Variants in MASP1 observed in about 807,000 individuals in gnomAD.
The protein encoded by MASP1 is MBL associated serine protease 1.
MASP1 carries 59 observed loss-of-function variants against 77.1 expected under a neutral mutation model. The ratio of observed to expected loss-of-function variants is 0.77; its 90% confidence interval spans 0.62 to 0.95. The LOEUF is 0.95. Among genes scored for constraint, MASP1 ranks in the 40% least tolerant of loss-of-function variants. The probability of loss-of-function intolerance (pLI) is 0.00; values close to 1 mark genes in which losing one functional copy is unlikely to be tolerated. For synonymous variants in MASP1, 362 were observed against 354.5 expected (o/e 1.02, Z -0.24); for missense variants, 885 against 912.9 (o/e 0.97, Z 0.39).
downstream of MASP1, among the ~76,000 whole-genome samples, chr3:187,231,827 A>G (rs1379013044): frequency 6.6e-6 from 1 of 152,262 alleles, no homozygotes; most frequent in African/African-American, 2.4e-5. Context: ...GTAGGTTTCA[A>G]GGAACCAAAA....
At chr3:187,233,087 G>A (rs1712868500), downstream of MASP1, among the ~76,000 whole-genome samples, 1 of 152,090 alleles carries the variant, frequency 6.6e-6, no homozygotes, top group South Asian at 2.1e-4. Flanking sequence ...ATGGGTGGTG[G>A]GTCTGCACCA....
At chr3:187,260,154 C>A (rs710466) in intron 4 of MASP1, among the ~76,000 whole-genome samples, 149,158 of 152,304 alleles carry the variant, frequency 0.98, 73,100 homozygotes, top group Middle Eastern at 1. Context: ...CCAAGAGCTC[C>A]TCCTAGAAAG....
exon 16 of MASP1, chr3:187,220,169 A>C: frequency 6.2e-7 from 1 of 1,614,192 alleles, no homozygotes; most frequent in Non-Finnish European, 8.5e-7. Flanking sequence ...TCATCACCCC[A>C]GGACACAGTG....
chr3:187,243,311 C>T, intron 9 of MASP1, 173 bp downstream of exon 9: 1 of 720,172 alleles, frequency 1.4e-6, no homozygotes, highest in Non-Finnish European at 2.5e-6. Flanking sequence ...GACACAGTAA[C>T]ACAAGCTCAT....
In MASP1 at chr3:187,219,604, A is replaced by G. The variant is rs914825756; in HGVS notation, c.*467T>C. The G allele has an allele frequency of 5.1e-4, 114 of 222,536 alleles. 1 individual carries two copies. The highest frequency in any genetic ancestry group is 1.5e-3 in the African/African-American group (68 of 44,488). The allele number at this position is 222,536 out of a possible 1,614,324, so 13.8% of individuals were successfully genotyped here. On this transcript the variant is annotated 3_prime_UTR_variant, in exon 16 of 16. Transcript: ENST00000337774. ...GAGGGGAGAGGTGTGTCACTGATCA[A>G]TGCTAAGACCCAGGCAGGGGTTTGT... is the stretch of plus-strand genomic sequence containing the variant.
At position 187,235,446 on chromosome 3, in the gene MASP1, T is replaced by G; in HGVS notation, c.*238A>C. 3 of 1,509,372 alleles carry G rather than the reference T, an allele frequency of 2.0e-6. No individual in the cohort carries two copies. Among genetic ancestry groups the G allele is most frequent in the Non-Finnish European group, 2.7e-6 (3 of 1,131,296 alleles). The allele number at this position is 1,509,372 out of a possible 1,614,324, so 93.5% of individuals were successfully genotyped here. On this transcript the variant is annotated 3_prime_UTR_variant, in exon 11 of 11. Coordinates refer to ENST00000296280, the MANE Select transcript of MASP1 (RefSeq NM_139125.4). ...TCCTGCATTGTATTACTCGGTAGAG[T>G]GAGGCCCAGACAGGGAAAGAGACTT...
intron 10 of MASP1, among the ~76,000 whole-genome samples, chr3:187,240,961 T>G (rs1052757329): frequency 6.6e-6 from 1 of 152,194 alleles, no homozygotes; most frequent in Non-Finnish European, 1.5e-5. Context: ...AAAGCAAATA[T>G]CCTCAAAATC....
chr3:187,226,730 C>A (rs1336320734), intron 11 of MASP1, among the ~76,000 whole-genome samples: 2 of 152,276 alleles, frequency 1.3e-5, no homozygotes, highest in Non-Finnish European at 2.9e-5. Flanking sequence ...TTTTTACCTG[C>A]CTATTCCAAC....
chr3:187,262,811 C>T, intron 2 of MASP1, 91 bp from the exon 3 acceptor site: 1 of 1,152,480 alleles, frequency 8.7e-7, no homozygotes, highest in Non-Finnish European at 1.3e-6. Flanking sequence ...AGGGGCCACC[C>T]AAGAGTAGGC....
downstream of MASP1, among the ~76,000 whole-genome samples, chr3:187,233,634 A>G (rs1229669475): frequency 1.3e-5 from 2 of 152,226 alleles, no homozygotes. Context: ...CATGTTCTCC[A>G]TGATGCTGTA....
downstream of MASP1, among the ~76,000 whole-genome samples, chr3:187,232,363 A>G (rs181108212): frequency 5.3e-5 from 8 of 151,920 alleles, no homozygotes; most frequent in East Asian, 1.6e-3. Context: ...ATGCCATCAT[A>G]CTACCCATGT....
intron 2 of MASP1, among the ~76,000 whole-genome samples, chr3:187,273,910 A>G (rs1716736205): frequency 6.6e-6 from 1 of 152,202 alleles, no homozygotes; most frequent in Non-Finnish European, 1.5e-5. Flanking sequence ...CGGCCATAAA[A>G]AAAGAGTAAT....
At chr3:187,246,483 C>T (rs1434012432) in intron 8 of MASP1, 4 of 985,274 alleles carry the variant, frequency 4.1e-6, no homozygotes, top group Non-Finnish European at 4.8e-6. Flanking sequence ...TCTCCCCTCA[C>T]CGCACAGCCA....
At chr3:187,274,077 G>A (rs893974426) in intron 2 of MASP1, among the ~76,000 whole-genome samples, 6 of 151,894 alleles carry the variant, frequency 4.0e-5, no homozygotes, top group African/African-American at 7.3e-5. Flanking sequence ...GCGTCCTGGC[G>A]GGCACCTGTA....
chr3:187,229,409 C>G (rs1169877227), downstream of MASP1, among the ~76,000 whole-genome samples: 1 of 152,148 alleles, frequency 6.6e-6, no homozygotes, highest in South Asian at 2.1e-4. Context: ...CCTAAAGCAG[C>G]GTTCAAGACA....
chr3:187,260,822 A>G lies in MASP1; in HGVS notation c.466T>C (p.Tyr156His), dbSNP rs200376787. The G allele has an allele frequency of 1.2e-6, 2 of 1,614,162 alleles. No homozygotes were observed. The highest frequency in any genetic ancestry group is 1.7e-6 in the Non-Finnish European group (2 of 1,180,014). ...REDEELSCDHYCHNYIGGYYC... is the reference protein window; with the variant it reads ...REDEELSCDHHCHNYIGGYYC... Reference sequence around the variant, plus strand: ...TAGCCGCCAATGTAGTTGTGGCAGTAGTGGTCACAGGACAGCTCCTCGTCC... The same window carrying G: ...TAGCCGCCAATGTAGTTGTGGCAGTGGTGGTCACAGGACAGCTCCTCGTCC... The change falls in exon 4 of 11, where the codon TAC becomes CAC. Residue 156 changes from tyrosine to histidine, a missense_variant. Physicochemically the swap from Tyr to His is moderately conservative, Grantham distance 83. Transcript: ENST00000296280.
chr3:187,235,019 C>T lies in MASP1; in HGVS notation c.*665G>A, dbSNP rs931192075. The stretch of plus-strand genomic sequence containing the variant: ...CAGCAGTCAGCACAAACCTTCCCAA[C>T]TTTCTCCATGTCTTTTGAAATTCCT... On this transcript the variant is annotated 3_prime_UTR_variant, in exon 11 of 11. Transcript: ENST00000296280. 7 of 1,287,134 alleles carry T rather than the reference C, an allele frequency of 5.4e-6. No homozygotes were observed. Among genetic ancestry groups the T allele is most frequent in the Non-Finnish European group, 7.1e-6 (7 of 988,712 alleles). 79.7% of individuals were successfully genotyped at this position (1,287,134 alleles called of 1,614,324 possible).
At chr3:187,270,300 CA>C (rs1243224276) in intron 2 of MASP1, among the ~76,000 whole-genome samples, 1 of 152,188 alleles carries the variant, frequency 6.6e-6, no homozygotes, top group Non-Finnish European at 1.5e-5. Context: ...TCAGTTTTAG[CA>C]AAATCTTTGC....
intron 13 of MASP1, among the ~76,000 whole-genome samples, chr3:187,223,614 T>C (rs963085030): frequency 2.6e-5 from 4 of 152,146 alleles, no homozygotes; most frequent in African/African-American, 9.7e-5. Context: ...TAGCCAGCCC[T>C]CCTCTCTGCT....
Sources: allele counts gnomAD v4.1 joint callset (sites outside exome capture counted in the v4.1 genomes callset), GRCh38; gene constraint gnomAD v4.1.1; transcripts MANE v1.5; gene names NCBI Gene and HGNC (gene_info 2026-07-23, HGNC 2026-07-21).